The following RBFOX1 variants were observed in gnomAD, a reference collection of about 807,000 sequenced individuals.
The protein encoded by RBFOX1 is RNA binding protein fox-1 homolog 1.
A neutral mutation model predicts 57.7 loss-of-function variants in RBFOX1; 8 were observed. That is an observed-to-expected ratio of 0.14 (90% CI 0.08 to 0.25). The LOEUF (loss-of-function observed/expected upper bound fraction) is 0.25. Ranked by LOEUF, RBFOX1 falls within the 10% of genes least tolerant of loss-of-function variation. The probability of loss-of-function intolerance (pLI) is 1.00; values close to 1 mark genes in which losing one functional copy is unlikely to be tolerated. For missense variants in RBFOX1, 611 were observed against 548.5 expected (o/e 1.11, Z -1.14); for synonymous variants, 326 against 222.4 (o/e 1.47, Z -4.15).
At chr16:6,264,943 C>A (rs139442321) in intron 1 of RBFOX1, among the ~76,000 whole-genome samples, 6 of 152,314 alleles carry the variant, frequency 3.9e-5, no homozygotes, top group African/African-American at 1.4e-4. Flanking sequence ...ACTCCGAGTT[C>A]TGTGTGTGGG....
At chr16:7,222,955 C>T (rs1476615907) in intron 4 of RBFOX1, among the ~76,000 whole-genome samples, 1 of 152,112 alleles carries the variant, frequency 6.6e-6, no homozygotes, top group African/African-American at 2.4e-5. Flanking sequence ...TTTCTTTGAG[C>T]GTCCCTTGTT....
chr16:7,607,050 G>A (rs1030535433), intron 9 of RBFOX1, among the ~76,000 whole-genome samples: 2 of 152,184 alleles, frequency 1.3e-5, no homozygotes, highest in African/African-American at 4.8e-5. Flanking sequence ...TTCACTTGTG[G>A]CTGGTCAGTA....
Position 5,308,697 on chromosome 16 carries a change from G to C in RBFOX1, c.219+68592G>C, listed in dbSNP as rs190462476. 3.2e-4 allele frequency among the ~76,000 whole-genome samples: 48 copies of C among 151,536 alleles called. 1 individual carries two copies. The highest frequency in any genetic ancestry group is 9.8e-4 in the Admixed American group (15 of 15,234). On this transcript the variant is annotated intron_variant, in intron 1 of 2. Transcript: ENST00000585867. ...TAAGATGACCTTTTTTTTTCTTCTG[G>C]AGTTTATAGTTGCCTTTATTTTTAC...
intron 1 of RBFOX1, among the ~76,000 whole-genome samples, chr16:6,100,918 A>C (rs372936456): frequency 2.0e-5 from 3 of 152,234 alleles, no homozygotes; most frequent in East Asian, 1.9e-4. Context: ...CAGAGGGATG[A>C]CTGTGTGGCC....
At position 7,569,880 on chromosome 16, in the gene RBFOX1, C is replaced by CAAAAT. The variant is rs529513607; in HGVS notation, c.271-9895_271-9894insAATAA. Among the ~76,000 whole-genome samples, 1,063 of 152,178 alleles carry CAAAAT rather than the reference C, an allele frequency of 7.0e-3. 13 individuals carry two copies. The highest frequency in any genetic ancestry group is 0.024 in the African/African-American group (1,011 of 41,512). On this transcript the variant is annotated intron_variant, in intron 5 of 15. Coordinates refer to ENST00000550418, the MANE Select transcript of RBFOX1 (RefSeq NM_018723.4). The stretch of plus-strand genomic sequence containing the variant: ...TGTCTCCAAAAAAAACAAAACAAAA[C>CAAAAT]AATACAGCTAGTGAACTTGATTTAA...
chr16:7,657,458 C>T (rs2066594119), intron 12 of RBFOX1, among the ~76,000 whole-genome samples: 1 of 152,198 alleles, frequency 6.6e-6, no homozygotes. Context: ...GTGCCCGCCA[C>T]CACACCTGGC....
At chr16:5,323,215 T>C (rs2064462862) in intron 1 of RBFOX1, among the ~76,000 whole-genome samples, 1 of 152,246 alleles carries the variant, frequency 6.6e-6, no homozygotes, top group Non-Finnish European at 1.5e-5. Flanking sequence ...ACTCAGTACC[T>C]ATGAGTAAAA....
intron 9 of RBFOX1, among the ~76,000 whole-genome samples, chr16:7,605,520 A>G (rs1444427250): frequency 6.6e-6 from 1 of 152,194 alleles, no homozygotes; most frequent in Non-Finnish European, 1.5e-5. Context: ...GAAAGTTCTT[A>G]GAAAACATTC....
rs142662751 is a variant in RBFOX1 at position 6,718,030 on chromosome 16, C to G, written c.-16+63380C>G. ...ACCACCGTCATCACCACCATCATCA[C>G]TGGTGTTTCATCCCAAATAAACAGG... On this transcript the variant is annotated intron_variant, in intron 3 of 15. Coordinates refer to ENST00000550418, the MANE Select transcript of RBFOX1 (RefSeq NM_018723.4). 3.8e-3 allele frequency among the ~76,000 whole-genome samples: 584 copies of G among 152,282 alleles called. 3 individuals carry two copies. The highest frequency in any genetic ancestry group is 0.013 in the African/African-American group (547 of 41,560).
chr16:6,805,562 G>C (rs150142991), intron 3 of RBFOX1, among the ~76,000 whole-genome samples: 3 of 149,812 alleles, frequency 2.0e-5, no homozygotes, highest in Admixed American at 6.6e-5. Flanking sequence ...TCTCACTTCA[G>C]TTATCACATT....
chr16:7,035,409 C>T (rs1317852615), intron 3 of RBFOX1, among the ~76,000 whole-genome samples: 1 of 152,154 alleles, frequency 6.6e-6, no homozygotes, highest in Non-Finnish European at 1.5e-5. Flanking sequence ...AAATAAAATG[C>T]ACCCTATCGA....
At position 6,806,193 on chromosome 16, in the gene RBFOX1, A is replaced by T. The variant is rs547656703; in HGVS notation, c.-16+151543A>T. Among the ~76,000 whole-genome samples, 3 of 152,282 alleles carry T rather than the reference A, an allele frequency of 2.0e-5. No homozygotes were observed. In the East Asian group the frequency reaches 5.8e-4, roughly 29 times the overall value. On this transcript the variant is annotated intron_variant, in intron 3 of 15. Transcript: ENST00000550418. Reference sequence around the variant, plus strand: ...TGCCACAGGTCACAATATAAGAGAAAAATTAGCAAATTAATTAATTGGATG... The same window carrying T: ...TGCCACAGGTCACAATATAAGAGAATAATTAGCAAATTAATTAATTGGATG...
chr16:6,245,530 C>G (rs748867380), intron 1 of RBFOX1, among the ~76,000 whole-genome samples: 1 of 152,172 alleles, frequency 6.6e-6, no homozygotes, highest in Non-Finnish European at 1.5e-5. Context: ...ATACCACGGT[C>G]TGCAGTGCAA....
At chr16:5,674,036 A>T (rs927650755) in intron 3 of RBFOX1, among the ~76,000 whole-genome samples, 1 of 152,170 alleles carries the variant, frequency 6.6e-6, no homozygotes, top group Non-Finnish European at 1.5e-5. Flanking sequence ...TATAAATACC[A>T]TGTTGCCATT....
At chr16:5,514,199 G>C (rs146494971) in intron 2 of RBFOX1, among the ~76,000 whole-genome samples, 1 of 152,282 alleles carries the variant, frequency 6.6e-6, no homozygotes, top group East Asian at 1.9e-4. Flanking sequence ...CTGCTGGCTT[G>C]ACTAGCCCTC....
intron 3 of RBFOX1, among the ~76,000 whole-genome samples, chr16:6,767,944 T>TAAGAAGAAGAAGAAGAAGAAGAAGAAG (rs1328651970): frequency 1.6e-4 from 14 of 86,662 alleles, no homozygotes; most frequent in African/African-American, 7.8e-4. Context: ...ATAATAATAA[T>TAAGAAGAAGAAGAAGAAGAAGAAGAAG]AATAAGAAGA....
In RBFOX1 at chr16:7,537,423, G is replaced by A. The variant is rs145315906; in HGVS notation, c.270+19034G>A. ...CTCTTTACAGTGAGGAAACTGAGGCGTGGTCAGTTGATGTGACTCAGTGTG... is the reference window on the plus strand; with the variant it reads ...CTCTTTACAGTGAGGAAACTGAGGCATGGTCAGTTGATGTGACTCAGTGTG... On this transcript the variant is annotated intron_variant, in intron 5 of 15. Transcript: ENST00000550418. 2.1e-3 allele frequency among the ~76,000 whole-genome samples: 315 copies of A among 152,276 alleles called. 3 individuals carry two copies. The highest frequency in any genetic ancestry group is 2.4e-3 in the Non-Finnish European group (162 of 68,028).
At chr16:7,579,052 T>G (rs1324374310) in intron 5 of RBFOX1, among the ~76,000 whole-genome samples, 1 of 152,244 alleles carries the variant, frequency 6.6e-6, no homozygotes, top group Non-Finnish European at 1.5e-5. Flanking sequence ...TTATTCAGTA[T>G]GGAAGCAATA....
intron 4 of RBFOX1, among the ~76,000 whole-genome samples, chr16:7,438,589 C>A (rs2098740910): frequency 6.6e-6 from 1 of 152,194 alleles, no homozygotes; most frequent in African/African-American, 2.4e-5. Context: ...GAATCCCAAA[C>A]TTGTGTGCGT....
Sources: gnomAD v4.1 joint callset for allele counts (sites outside exome capture counted in the v4.1 genomes callset) on GRCh38, gnomAD v4.1.1 for gene constraint, MANE v1.5 for transcripts, NCBI Gene and HGNC (gene_info 2026-07-23, HGNC 2026-07-21) for gene names.